AGBL1: variants seen among roughly 807,000 people sequenced by gnomAD.
AGBL1 encodes the protein AGBL carboxypeptidase 1.
A neutral mutation model predicts 118.9 loss-of-function variants in AGBL1; 130 were observed. The observed-to-expected ratio is 1.09, with a 90% CI of 0.95 to 1.26. The LOEUF is 1.26. Among genes scored for constraint, AGBL1 ranks in the 50% most tolerant of loss-of-function variants. The pLI is 0.00. For synonymous variants in AGBL1, 555 were observed against 478.9 expected (o/e 1.16, Z -2.08); for missense variants, 1,584 against 1,298.1 (o/e 1.22, Z -3.38).
At chr15:86,548,509 G>A (rs75735923) in intron 20 of AGBL1, among the ~76,000 whole-genome samples, 1 of 152,174 alleles carries the variant, frequency 6.6e-6, no homozygotes, top group East Asian at 1.9e-4. Context: ...GATAAATTGA[G>A]AAGCATTTAT....
At chr15:86,817,031 A>C (rs8037298) in intron 22 of AGBL1, among the ~76,000 whole-genome samples, 2,596 of 152,168 alleles carry the variant, frequency 0.017, 70 homozygotes, top group African/African-American at 0.059. Flanking sequence ...GCCTAAAACA[A>C]GGCATGGCGC....
At chr15:86,812,101 A>G (rs1421667021) in intron 22 of AGBL1, among the ~76,000 whole-genome samples, 1 of 152,226 alleles carries the variant, frequency 6.6e-6, no homozygotes, top group Admixed American at 6.5e-5. Context: ...CAGAGCCAAG[A>G]CAAAAGGTCT....
At chr15:86,312,056 C>G (rs2079929567) in intron 17 of AGBL1, 2 of 152,194 alleles carry the variant, frequency 1.3e-5, no homozygotes, top group South Asian at 4.1e-4. Flanking sequence ...TAGTGGGAGT[C>G]TTCATTTCTC....
intron 21 of AGBL1, among the ~76,000 whole-genome samples, chr15:86,643,965 C>G (rs1227087321): frequency 6.6e-6 from 1 of 152,062 alleles, no homozygotes; most frequent in African/African-American, 2.4e-5. Context: ...ATAATGCAGT[C>G]TATACAATGT....
In AGBL1 at chr15:86,837,224, C is replaced by CAAA. The variant is rs71230682; in HGVS notation, c.3159-69850_3159-69848dup. Reference sequence around the variant, plus strand: ...CTGTTCCAGAAGACTTCCTGACTATCAAAAAAAAAAAAAAATGCCATTTAG... The same window carrying CAAA: ...CTGTTCCAGAAGACTTCCTGACTATCAAAAAAAAAAAAAAAAAATGCCATTTAG... On this transcript the variant is annotated intron_variant, in intron 22 of 22. Coordinates refer to ENST00000614907, the MANE Select transcript of AGBL1 (RefSeq NM_001386094.1). 6.4e-3 allele frequency among the ~76,000 whole-genome samples: 875 copies of CAAA among 137,516 alleles called. 10 individuals are homozygous for CAAA. Among genetic ancestry groups the CAAA allele is most frequent in the African/African-American group, 0.023 (838 of 36,014 alleles). The allele number at this position is 137,516 out of a possible 152,430, so 90.2% of individuals were successfully genotyped here.
intron 23 of AGBL1, among the ~76,000 whole-genome samples, chr15:86,944,357 C>CA (rs1324807817): frequency 6.6e-6 from 1 of 151,654 alleles, no homozygotes; most frequent in Non-Finnish European, 1.5e-5. Context: ...CCAGCCTGGG[C>CA]AAAAAGTGAA....
At chr15:86,894,953 A>G (rs2080101454) in intron 22 of AGBL1, among the ~76,000 whole-genome samples, 1 of 152,010 alleles carries the variant, frequency 6.6e-6, no homozygotes, top group Non-Finnish European at 1.5e-5. Flanking sequence ...GGAATAAGAT[A>G]ATGGATTAAG....
chr15:86,736,084 A>G (rs1056249915), intron 22 of AGBL1, among the ~76,000 whole-genome samples: 1 of 152,106 alleles, frequency 6.6e-6, no homozygotes, highest in Non-Finnish European at 1.5e-5. Flanking sequence ...AATATTATGA[A>G]TAAATAAAGT....
In AGBL1 at chr15:86,907,528, G is replaced by T. The variant is rs1168011902; in HGVS notation, c.*234G>T. 6.6e-6 allele frequency: 1 copy of T among 152,086 alleles called. No homozygotes were observed. Among genetic ancestry groups the T allele is most frequent in the African/African-American group, 2.4e-5 (1 of 41,424 alleles). 9.4% of individuals were successfully genotyped at this position (152,086 alleles called of 1,614,324 possible). On this transcript the variant is annotated 3_prime_UTR_variant, in exon 23 of 23. Transcript: ENST00000614907. Reference sequence around the variant, plus strand: ...GTAGCCCTTGGGGCCTATGCAAGCTGCTATTGTACTTAGAATGGGACCCAA... The same window carrying T: ...GTAGCCCTTGGGGCCTATGCAAGCTTCTATTGTACTTAGAATGGGACCCAA...
At chr15:86,766,961 CAT>C (rs1161070404) in intron 22 of AGBL1, among the ~76,000 whole-genome samples, 1 of 151,734 alleles carries the variant, frequency 6.6e-6, no homozygotes, top group African/African-American at 2.4e-5. Context: ...ATAGCTCTGA[CAT>C]AAAGATTTAG....
At chr15:86,568,947 T>C (rs2083960015) in intron 21 of AGBL1, among the ~76,000 whole-genome samples, 1 of 152,012 alleles carries the variant, frequency 6.6e-6, no homozygotes, top group Non-Finnish European at 1.5e-5. Context: ...AAGTTGAAAA[T>C]AAATAATTCC....
chr15:86,170,412 G>T (rs1203977254), intron 5 of AGBL1, among the ~76,000 whole-genome samples: 1 of 151,912 alleles, frequency 6.6e-6, no homozygotes, highest in Non-Finnish European at 1.5e-5. Flanking sequence ...GGGGAGAGGA[G>T]AAATAGGTAG....
At chr15:86,979,442 T>C (rs1370755651) in intron 23 of AGBL1, among the ~76,000 whole-genome samples, 1 of 152,172 alleles carries the variant, frequency 6.6e-6, no homozygotes, top group Non-Finnish European at 1.5e-5. Flanking sequence ...CACAGGTAAG[T>C]GAGCCAATAA....
intron 21 of AGBL1, among the ~76,000 whole-genome samples, chr15:86,590,634 G>C (rs746154540): frequency 6.6e-6 from 1 of 152,160 alleles, no homozygotes; most frequent in Non-Finnish European, 1.5e-5. Flanking sequence ...AAACCTCACA[G>C]GTAGCAACCC....
At chr15:86,595,275 C>A (rs1469596180) in intron 21 of AGBL1, among the ~76,000 whole-genome samples, 2 of 152,030 alleles carry the variant, frequency 1.3e-5, no homozygotes, top group Non-Finnish European at 2.9e-5. Context: ...TTTTCTAACC[C>A]CAGACCTAAA....
intron 18 of AGBL1, among the ~76,000 whole-genome samples, chr15:86,413,793 T>A (rs1425454212): frequency 6.6e-6 from 1 of 152,080 alleles, no homozygotes; most frequent in Non-Finnish European, 1.5e-5. Context: ...GGATGGATAG[T>A]TTGCAAATAT....
chr15:86,535,003 T>G (rs977595897), intron 19 of AGBL1, among the ~76,000 whole-genome samples: 2 of 152,128 alleles, frequency 1.3e-5, no homozygotes, highest in African/African-American at 4.8e-5. Flanking sequence ...AGGATCTGCG[T>G]TTTTCACTCT....
chr15:86,093,776 A>G (rs959691321), intron 1 of AGBL1, among the ~76,000 whole-genome samples: 1 of 152,206 alleles, frequency 6.6e-6, no homozygotes, highest in Non-Finnish European at 1.5e-5. Context: ...CAAGATACAC[A>G]GAGTGAGAAG....
intron 24 of AGBL1, among the ~76,000 whole-genome samples, chr15:87,006,595 C>A (rs2081507059): frequency 2.0e-5 from 3 of 152,170 alleles, no homozygotes; most frequent in Non-Finnish European, 4.4e-5. Flanking sequence ...TCTGTCACAG[C>A]TTTGCTTGGC....
Sources: allele counts gnomAD v4.1 joint callset (sites outside exome capture counted in the v4.1 genomes callset), GRCh38; gene constraint gnomAD v4.1.1; transcripts MANE v1.5; gene names NCBI Gene and HGNC (gene_info 2026-07-23, HGNC 2026-07-21).